UBE2E3: variants seen among roughly 807,000 people sequenced by gnomAD.
UBE2E3 encodes ubiquitin-conjugating enzyme E2 E3.
UBE2E3 carries 5 observed loss-of-function variants against 23.6 expected under a neutral mutation model. The ratio of observed to expected loss-of-function variants is 0.21; its 90% CI spans 0.11 to 0.44. The LOEUF is 0.44. Ranked by LOEUF, UBE2E3 falls within the 20% of genes least tolerant of loss-of-function variation. UBE2E3 has a pLI of 0.99. For missense variants in UBE2E3, 81 were observed against 249.8 expected, an observed-to-expected ratio of 0.32 and a Z score of 4.55; for synonymous variants, 78 against 87.5, an observed-to-expected ratio of 0.89 and a Z score of 0.60.
intron 3 of UBE2E3, chr2:180,989,814 C>A: frequency 6.9e-7 from 1 of 1,449,890 alleles, no homozygotes; most frequent in Non-Finnish European, 9.2e-7. Context: ...CCTCTCATAA[C>A]CAATTAGTAC....
At chr2:181,000,500 A>G (rs190104381) in intron 3 of UBE2E3, among the ~76,000 whole-genome samples, 2 of 152,192 alleles carry the variant, frequency 1.3e-5, no homozygotes, top group Admixed American at 1.3e-4. Flanking sequence ...TATAGTATAA[A>G]TGGTATCCCC....
chr2:181,034,716 A>G (rs1686213369), intron 3 of UBE2E3, among the ~76,000 whole-genome samples: 1 of 152,198 alleles, frequency 6.6e-6, no homozygotes, highest in African/African-American at 2.4e-5. Context: ...CTAGCATGTC[A>G]GAATACCATT....
intron 3 of UBE2E3, among the ~76,000 whole-genome samples, chr2:181,054,370 G>A (rs1686929027): frequency 6.6e-6 from 1 of 151,386 alleles, no homozygotes; most frequent in Admixed American, 6.6e-5. Context: ...ATGGATGAGA[G>A]TTCCTGTTAC....
chr2:181,014,685 AG>A (rs1685433874), intron 3 of UBE2E3, among the ~76,000 whole-genome samples: 1 of 152,136 alleles, frequency 6.6e-6, no homozygotes, highest in Non-Finnish European at 1.5e-5. Flanking sequence ...TGTCTCTTGG[AG>A]GTGACTTCAG....
At chr2:181,019,476 A>G (rs552314106) in intron 3 of UBE2E3, among the ~76,000 whole-genome samples, 2 of 152,308 alleles carry the variant, frequency 1.3e-5, no homozygotes, top group South Asian at 2.1e-4. Flanking sequence ...CGGTTGTTTC[A>G]TCTTGTTACT....
chr2:181,001,384 A>G (rs1197641550), intron 3 of UBE2E3, among the ~76,000 whole-genome samples: 1 of 152,176 alleles, frequency 6.6e-6, no homozygotes, highest in African/African-American at 2.4e-5. Context: ...TGGCTGGGGA[A>G]AAGAAACATA....
chr2:181,001,820 T>C (rs1421922583), intron 3 of UBE2E3, among the ~76,000 whole-genome samples: 4 of 152,180 alleles, frequency 2.6e-5, no homozygotes, highest in African/African-American at 7.2e-5. Context: ...ACCTTTCATA[T>C]CTGTTAATAT....
intron 3 of UBE2E3, among the ~76,000 whole-genome samples, chr2:181,009,522 CTAGGCTTT>C (rs1685252968): frequency 1.1e-5 from 1 of 90,234 alleles, no homozygotes; most frequent in African/African-American, 3.4e-5. Flanking sequence ...TATATTTATA[CTAGGCTTT>C]ATTTATACTA....
chr2:180,994,816 CTGTTT>C (rs1489943337), intron 3 of UBE2E3, among the ~76,000 whole-genome samples: 3 of 152,056 alleles, frequency 2.0e-5, no homozygotes, highest in Non-Finnish European at 4.4e-5. Context: ...GGATACTAGT[CTGTTT>C]TATCATTTAC....
intron 3 of UBE2E3, among the ~76,000 whole-genome samples, chr2:180,985,995 C>G (rs188695350): frequency 6.6e-6 from 1 of 152,074 alleles, no homozygotes; most frequent in Non-Finnish European, 1.5e-5. Context: ...TAGAATCTTT[C>G]AATGAGATAG....
intron 3 of UBE2E3, among the ~76,000 whole-genome samples, chr2:180,988,343 C>T (rs1432106547): frequency 6.6e-6 from 1 of 152,010 alleles, no homozygotes; most frequent in Non-Finnish European, 1.5e-5. Context: ...TTTTTAATGT[C>T]AGTAAAAGCA....
chr2:181,025,153 G>C (rs912206598), intron 3 of UBE2E3, among the ~76,000 whole-genome samples: 4 of 151,942 alleles, frequency 2.6e-5, no homozygotes, highest in African/African-American at 9.7e-5. Flanking sequence ...GTGGTTTGAA[G>C]TACTGTTTAG....
chr2:181,009,058 C>A (rs551704150), intron 3 of UBE2E3, among the ~76,000 whole-genome samples: 3 of 152,146 alleles, frequency 2.0e-5, no homozygotes, highest in East Asian at 1.9e-4. Context: ...AAACAGATAA[C>A]CATTTGTATA....
At chr2:181,034,449 T>G (rs1040703429) in intron 3 of UBE2E3, among the ~76,000 whole-genome samples, 1 of 151,886 alleles carries the variant, frequency 6.6e-6, no homozygotes, top group Non-Finnish European at 1.5e-5. Flanking sequence ...ACACCACAGG[T>G]TCTCACTCAT....
chr2:180,980,506 TCGCGCCCGCCGGGCGTCGGCGGCG>T (rs1559107987), upstream of UBE2E3: 3 of 148,070 alleles, frequency 2.0e-5, no homozygotes, highest in East Asian at 2.0e-4. The surrounding 1 kb of genome is among the most constrained non-coding windows in gnomAD (Gnocchi z 5.5). Context: ...CGGGAACAGC[TCGCGCCCGCCGGGCGTCGGCGGCG>T]CGCGCCCCTC....
chr2:180,987,229 A>G (rs1684503639), intron 3 of UBE2E3: 1 of 1,214,822 alleles, frequency 8.2e-7, no homozygotes, highest in Non-Finnish European at 1.2e-6. Flanking sequence ...AATGAGAGTC[A>G]AGGGAAATTG....
intron 3 of UBE2E3, among the ~76,000 whole-genome samples, chr2:180,995,973 G>GT (rs1684811398): frequency 6.6e-6 from 1 of 151,944 alleles, no homozygotes; most frequent in African/African-American, 2.4e-5. Context: ...TGTCTTACCA[G>GT]TTTTTTCTTC....
chr2:180,982,338 T>C, intron 2 of UBE2E3, 102 bp downstream of exon 2: 1 of 1,029,034 alleles, frequency 9.7e-7, no homozygotes. Flanking sequence ...TCAGAAATAT[T>C]TACTTCATTA....
Position 180,984,094 on chromosome 2 carries a change from G to A in UBE2E3, c.245+1G>A, listed in dbSNP as rs1260209112. The A allele has an allele frequency of 6.2e-7, 1 of 1,609,820 alleles. No homozygotes were observed. Among genetic ancestry groups the A allele is most frequent in the South Asian group, 1.1e-5 (1 of 90,306 alleles). Reference sequence around the variant, plus strand: ...CCCTTGATCCTCCTCCTAATTGCAGGTAAGAAATGAATTTTGTTGTTTTGG... The same window carrying A: ...CCCTTGATCCTCCTCCTAATTGCAGATAAGAAATGAATTTTGTTGTTTTGG... On this transcript the variant is annotated splice_donor_variant, in intron 3 of 5. Coordinates refer to ENST00000410062, the MANE Select transcript of UBE2E3 (RefSeq NM_006357.4). LOFTEE classifies it high-confidence loss of function.
Sources: allele counts gnomAD v4.1 joint callset (sites outside exome capture counted in the v4.1 genomes callset), GRCh38; gene constraint gnomAD v4.1.1; non-coding constraint Gnocchi (gnomAD v3.1); transcripts MANE v1.5; gene names NCBI Gene and HGNC (gene_info 2026-07-23, HGNC 2026-07-21).